The following ABCC4 variants were observed in gnomAD, a reference collection of about 807,000 sequenced individuals.
ABCC4 encodes the protein ATP-binding cassette sub-family C member 4.
Under a neutral mutation model 168.5 loss-of-function variants are expected in ABCC4, and 102 were observed. The ratio of observed to expected loss-of-function variants is 0.61; its 90% confidence interval spans 0.52 to 0.71. ABCC4 has a LOEUF of 0.71. Among genes scored for constraint, ABCC4 ranks in the 30% least tolerant of loss-of-function variants. ABCC4 has a pLI of 0.00. For missense variants in ABCC4, 1,402 were observed against 1,605.8 expected, an observed-to-expected ratio of 0.87 and a Z score of 2.17; for synonymous variants, 617 against 590.7, an observed-to-expected ratio of 1.04 and a Z score of -0.65.
At chr13:95,186,945 A>G (rs2038085399) in intron 10 of ABCC4, 53 bp from the exon 11 acceptor site, 13 of 1,475,698 alleles carry the variant, frequency 8.8e-6, no homozygotes, top group Non-Finnish European at 1.2e-5. Flanking sequence ...AGACAAGAAT[A>G]AGCCACTGCA....
intron 8 of ABCC4, among the ~76,000 whole-genome samples, chr13:95,199,671 C>A (rs1450429227): frequency 6.6e-6 from 1 of 152,142 alleles, no homozygotes; most frequent in Non-Finnish European, 1.5e-5. Flanking sequence ...GGTCTGAGTC[C>A]AAATCCCATC....
chr13:95,107,507 T>A (rs543425810), intron 20 of ABCC4, among the ~76,000 whole-genome samples: 24 of 152,244 alleles, frequency 1.6e-4, no homozygotes, highest in Non-Finnish European at 3.2e-4. Flanking sequence ...TAAAGTTATT[T>A]TTTAACAGTA....
chr13:95,133,147 T>C (rs1206045009), intron 19 of ABCC4, among the ~76,000 whole-genome samples: 2 of 145,614 alleles, frequency 1.4e-5, no homozygotes, highest in African/African-American at 5.1e-5. Context: ...AGAATCTTGC[T>C]CTGTCACCCA....
At chr13:95,224,200 A>AC (rs2039389169) in intron 4 of ABCC4, among the ~76,000 whole-genome samples, 1 of 149,888 alleles carries the variant, frequency 6.7e-6, no homozygotes, top group African/African-American at 2.5e-5. Flanking sequence ...AAAAAAATCA[A>AC]CCCAAAAAAA....
chr13:95,295,274 G>C (rs2041499827), intron 1 of ABCC4, among the ~76,000 whole-genome samples: 1 of 152,164 alleles, frequency 6.6e-6, no homozygotes, highest in Admixed American at 6.6e-5. Context: ...TCAGCACTTT[G>C]GGAGGCCAAG....
intron 1 of ABCC4, 144 bp downstream of exon 1, chr13:95,301,097 C>A (rs1414941758): frequency 1.4e-6 from 1 of 733,130 alleles, no homozygotes; most frequent in Non-Finnish European, 2.0e-6. Context: ...AGCAGAAAGC[C>A]CCGGCGTGGA....
At chr13:95,125,987 G>A (rs1196209872) in intron 19 of ABCC4, among the ~76,000 whole-genome samples, 1 of 152,146 alleles carries the variant, frequency 6.6e-6, no homozygotes, top group Non-Finnish European at 1.5e-5. Flanking sequence ...GCCAATGAAT[G>A]CCACAGAGTG....
intron 7 of ABCC4, among the ~76,000 whole-genome samples, chr13:95,207,320 GCCCAGC>G (rs1201860317): frequency 1.3e-5 from 2 of 152,266 alleles, no homozygotes; most frequent in Non-Finnish European, 2.9e-5. Context: ...GAGCCACTGC[GCCCAGC>G]CCCCTCCAAA....
At chr13:95,104,267 C>T (rs1246501357) in intron 20 of ABCC4, among the ~76,000 whole-genome samples, 1 of 152,112 alleles carries the variant, frequency 6.6e-6, no homozygotes, top group Non-Finnish European at 1.5e-5. Context: ...GTGTGCACCA[C>T]CACTCCCAGC....
intron 27 of ABCC4, among the ~76,000 whole-genome samples, chr13:95,051,280 T>C (rs1006020297): frequency 6.6e-6 from 1 of 152,242 alleles, no homozygotes; most frequent in African/African-American, 2.4e-5. Context: ...GGCCTCCAAG[T>C]CTACTTGCTC....
rs2037753956 is a variant in ABCC4 at position 95,177,741 on chromosome 13, C to T, written c.1693G>A (p.Val565Ile). The stretch of plus-strand genomic sequence containing the variant: ...AAGTGTCTGCTAACTTCCGCATCTA[C>T]TGCACTGAGAGGATCGTCCAGGAGA... ...IYLLDDPLSA[V>I]DAEVSRHLFE... The change falls in exon 13 of 31, where the codon GTA becomes ATA. Residue 565 changes from valine (V) to isoleucine (I), a missense_variant. By Grantham distance (29) the Val-to-Ile change is conservative (BLOSUM62 3). Transcript: ENST00000645237. The T allele has an allele frequency of 3.7e-6, 6 of 1,611,430 alleles. No individual in the cohort carries two copies. Among genetic ancestry groups the T allele is most frequent in the Non-Finnish European group, 5.1e-6 (6 of 1,177,806 alleles).
At chr13:95,092,502 G>A (rs1361400499) in intron 20 of ABCC4, among the ~76,000 whole-genome samples, 1 of 151,936 alleles carries the variant, frequency 6.6e-6, no homozygotes, top group Non-Finnish European at 1.5e-5. Context: ...AAATCAAGAT[G>A]GAAATTAAAA....
rs775550569 is a variant in ABCC4 at position 95,186,805 on chromosome 13, G to T, written c.1441C>A (p.Gln481Lys). 2 of 1,614,108 alleles carry T rather than the reference G, an allele frequency of 1.2e-6. No individual in the cohort carries two copies. The highest frequency in any genetic ancestry group is 1.1e-5 in the South Asian group (1 of 91,080). Reference protein sequence around the residue: ...VHGRIAYVSQQPWVFSGTLRS... With the variant: ...VHGRIAYVSQKPWVFSGTLRS... ...AGAGTTCCCGAGAACACCCAGGGCT[G>T]CTGAGACACATAGGCAATTCTTCCA... The change falls in exon 11 of 31, where the codon CAG (glutamine) becomes AAG (lysine). Residue 481 changes from glutamine (Q) to lysine (K), a missense_variant. This residue lies in a region of ABCC4 where 1,007 missense variants were observed against 1,127.3 expected (regional missense o/e 0.89). Transcript: ENST00000645237.
intron 20 of ABCC4, among the ~76,000 whole-genome samples, chr13:95,098,614 C>A (rs1676781746): frequency 1.3e-5 from 2 of 152,026 alleles, no homozygotes; most frequent in African/African-American, 4.8e-5. Flanking sequence ...CCACAATTTG[C>A]AAAACAGGAA....
At chr13:95,159,863 A>G (rs1485926269) in intron 19 of ABCC4, among the ~76,000 whole-genome samples, 1 of 152,262 alleles carries the variant, frequency 6.6e-6, no homozygotes, top group African/African-American at 2.4e-5. Flanking sequence ...TGTAAAACAG[A>G]GAGGGTAGGA....
At chr13:95,171,906 T>C (rs1045691872) in intron 13 of ABCC4, among the ~76,000 whole-genome samples, 29 of 152,208 alleles carry the variant, frequency 1.9e-4, no homozygotes, top group African/African-American at 6.3e-4. Context: ...CTTATACCCC[T>C]CTTCAGGTTT....
chr13:95,186,676 A>T, intron 11 of ABCC4, 25 bp downstream of exon 11: 1 of 1,602,940 alleles, frequency 6.2e-7, no homozygotes, highest in South Asian at 1.1e-5. Flanking sequence ...ATTCGAGTAC[A>T]TGAAATCCAA....
At chr13:95,251,340 C>T (rs904066932) in intron 1 of ABCC4, among the ~76,000 whole-genome samples, 14 of 152,146 alleles carry the variant, frequency 9.2e-5, no homozygotes, top group Admixed American at 8.5e-4. Context: ...TCTTCTCCTC[C>T]TCTTTCCTGA....
chr13:95,209,397 A>T, intron 6 of ABCC4, 37 bp downstream of exon 6: 5 of 1,603,924 alleles, frequency 3.1e-6, no homozygotes, highest in African/African-American at 2.7e-5. Flanking sequence ...ATGTTACCAA[A>T]TACATATGAC....
Sources: gnomAD v4.1 joint callset for allele counts (sites outside exome capture counted in the v4.1 genomes callset) on GRCh38, gnomAD v4.1.1 for gene constraint, gnomAD v4.1.1 regional missense constraint, MANE v1.5 for transcripts, NCBI Gene and HGNC (gene_info 2026-07-23, HGNC 2026-07-21) for gene names.